Variants in ATG10 observed in about 807,000 individuals in gnomAD.
ATG10 encodes autophagy related 10, also known as ubiquitin-like-conjugating enzyme ATG10.
Under a neutral mutation model 32.1 loss-of-function variants are expected in ATG10, and 30 were observed. The ratio of observed to expected loss-of-function variants is 0.94; its 90% CI spans 0.70 to 1.27. The LOEUF (loss-of-function observed/expected upper bound fraction) is 1.27. ATG10 is among the 50% of genes most tolerant of loss of function. The pLI is 0.00. For missense variants in ATG10, 233 were observed against 262.3 expected, an observed-to-expected ratio of 0.89 and a Z score of 0.77; for synonymous variants, 87 against 91.5, an observed-to-expected ratio of 0.95 and a Z score of 0.28.
intron 5 of ATG10, among the ~76,000 whole-genome samples, chr5:82,246,136 T>C (rs536126411): frequency 6.7e-6 from 1 of 149,396 alleles, no homozygotes; most frequent in East Asian, 2.0e-4. Context: ...AGTGGCACAA[T>C]CTCCACTTAC....
intron 3 of ATG10, among the ~76,000 whole-genome samples, chr5:82,152,143 C>T (rs1487655146): frequency 6.6e-6 from 1 of 152,196 alleles, no homozygotes. Flanking sequence ...GTTTAGTTTT[C>T]TGTAGCATTT....
intron 3 of ATG10, among the ~76,000 whole-genome samples, chr5:82,074,695 CA>C (rs1299170021): frequency 6.6e-6 from 1 of 152,160 alleles, no homozygotes; most frequent in Non-Finnish European, 1.5e-5. Context: ...CTGGTTGCTC[CA>C]AAATGATTCA....
chr5:82,233,299 A>T (rs1746435955), intron 5 of ATG10, among the ~76,000 whole-genome samples: 1 of 152,176 alleles, frequency 6.6e-6, no homozygotes, highest in Non-Finnish European at 1.5e-5. Flanking sequence ...CAATGTTCTG[A>T]TCTGAGCCTA....
intron 1 of ATG10, 136 bp from the exon 2 acceptor site, chr5:81,987,423 C>A: frequency 1.6e-6 from 1 of 613,884 alleles, no homozygotes; most frequent in Non-Finnish European, 2.8e-6. Flanking sequence ...CCACGCCTGG[C>A]CAAAACCATT....
At chr5:82,123,764 CAA>C (rs1178883742) in intron 3 of ATG10, among the ~76,000 whole-genome samples, 2 of 56,814 alleles carry the variant, frequency 3.5e-5, no homozygotes, top group Non-Finnish European at 3.3e-5. Flanking sequence ...ACTGTCTGTA[CAA>C]AAAAAAAAAA....
chr5:82,118,642 G>A (rs777018348), intron 3 of ATG10, among the ~76,000 whole-genome samples: 1 of 151,850 alleles, frequency 6.6e-6, no homozygotes, highest in Non-Finnish European at 1.5e-5. Flanking sequence ...GATGCCATGG[G>A]ACATCCACTT....
At chr5:82,215,053 C>G (rs1252986939) in intron 5 of ATG10, among the ~76,000 whole-genome samples, 1 of 152,148 alleles carries the variant, frequency 6.6e-6, no homozygotes, top group African/African-American at 2.4e-5. Flanking sequence ...CACTTATAAT[C>G]TTACAGTTTC....
At chr5:82,156,290 T>C (rs1767795657) in intron 3 of ATG10, among the ~76,000 whole-genome samples, 1 of 152,158 alleles carries the variant, frequency 6.6e-6, no homozygotes, top group Admixed American at 6.5e-5. Context: ...AATCACAAAG[T>C]AGACCCTCCA....
intron 5 of ATG10, among the ~76,000 whole-genome samples, chr5:82,188,622 G>A (rs184990086): frequency 2.6e-5 from 4 of 152,158 alleles, no homozygotes; most frequent in African/African-American, 7.2e-5. Context: ...GGTTAATGGC[G>A]GGTACACAAT....
chr5:82,041,566 G>T (rs978396461), intron 2 of ATG10, among the ~76,000 whole-genome samples: 2 of 152,020 alleles, frequency 1.3e-5, no homozygotes, highest in African/African-American at 4.8e-5. Context: ...ATAGAAAAAG[G>T]CTCCTAAAAA....
At chr5:82,230,358 ACT>A (rs1300998942) in intron 5 of ATG10, among the ~76,000 whole-genome samples, 1 of 152,176 alleles carries the variant, frequency 6.6e-6, no homozygotes, top group East Asian at 1.9e-4. Flanking sequence ...AAATATTCCC[ACT>A]GTTTTTATTC....
intron 5 of ATG10, among the ~76,000 whole-genome samples, chr5:82,197,722 CTAT>C (rs1744918452): frequency 1.9e-5 from 1 of 53,404 alleles, no homozygotes; most frequent in Non-Finnish European, 3.7e-5. Context: ...TTCTTTCTTT[CTAT>C]CTATCTATCT....
At chr5:82,227,056 C>T (rs1210082256) in intron 5 of ATG10, among the ~76,000 whole-genome samples, 4 of 152,128 alleles carry the variant, frequency 2.6e-5, no homozygotes, top group East Asian at 1.9e-4. Flanking sequence ...GTACCCTTGG[C>T]GGTTGATGAA....
chr5:82,142,291 T>C (rs1415269930), intron 3 of ATG10, among the ~76,000 whole-genome samples: 1 of 152,220 alleles, frequency 6.6e-6, no homozygotes, highest in Non-Finnish European at 1.5e-5. Flanking sequence ...TATGTACTAG[T>C]ACGATGTTTG....
intron 4 of ATG10, among the ~76,000 whole-genome samples, chr5:82,177,511 G>A (rs755339251): frequency 7.9e-5 from 12 of 152,116 alleles, no homozygotes; most frequent in African/African-American, 1.9e-4. Context: ...AAAAGAGCAC[G>A]CCCATAAGTC....
chr5:82,162,975 A>T (rs1055122565), intron 3 of ATG10, among the ~76,000 whole-genome samples: 35 of 151,942 alleles, frequency 2.3e-4, no homozygotes, highest in Admixed American at 1.3e-4. Context: ...AGATGAGGGG[A>T]ATTTCATTTT....
At chr5:81,988,558 C>T (rs759597231) in intron 2 of ATG10, among the ~76,000 whole-genome samples, 6 of 152,092 alleles carry the variant, frequency 3.9e-5, no homozygotes, top group African/African-American at 1.4e-4. Flanking sequence ...CTCAGCCTCC[C>T]GAGTAGCTGG....
intron 5 of ATG10, among the ~76,000 whole-genome samples, chr5:82,217,116 A>G (rs897473304): frequency 6.9e-6 from 1 of 145,880 alleles, no homozygotes; most frequent in South Asian, 2.1e-4. Flanking sequence ...AACCTGTTTT[A>G]TAGAAGCAGA....
At chr5:82,220,605 C>G (rs1745881236) in intron 5 of ATG10, among the ~76,000 whole-genome samples, 2 of 151,182 alleles carry the variant, frequency 1.3e-5, no homozygotes, top group South Asian at 4.2e-4. Context: ...TAACTTCTCT[C>G]CCTCATGTAC....
Sources: gnomAD v4.1 joint callset for allele counts (sites outside exome capture counted in the v4.1 genomes callset) on GRCh38, gnomAD v4.1.1 for gene constraint, MANE v1.5 for transcripts, NCBI Gene and HGNC (gene_info 2026-07-23, HGNC 2026-07-21) for gene names.